The following PCCA variants were observed in gnomAD, a reference collection of about 807,000 sequenced individuals.
PCCA encodes propionyl-CoA carboxylase alpha chain, mitochondrial.
In PCCA, 74 loss-of-function variants were observed where a neutral mutation model predicts 101.3. That is an observed-to-expected ratio of 0.73 (90% CI 0.61 to 0.89). PCCA has a LOEUF of 0.89. Ranked by LOEUF, PCCA falls within the 40% of genes least tolerant of loss-of-function variation. PCCA has a pLI of 0.00. For missense variants in PCCA, 891 were observed against 907.0 expected (o/e 0.98, Z 0.23); for synonymous variants, 294 against 313.6 (o/e 0.94, Z 0.66).
At chr13:100,147,220 G>A (rs980038291) in intron 4 of PCCA, among the ~76,000 whole-genome samples, 2 of 151,570 alleles carry the variant, frequency 1.3e-5, no homozygotes, top group Non-Finnish European at 2.9e-5. Flanking sequence ...CCTTTAAAAC[G>A]GGGCAGGGAA....
intron 21 of PCCA, among the ~76,000 whole-genome samples, chr13:100,459,794 T>C (rs2082048535): frequency 6.6e-6 from 1 of 152,230 alleles, no homozygotes; most frequent in South Asian, 2.1e-4. Flanking sequence ...TTTCTCACAG[T>C]TCTAGAGCCT....
chr13:100,254,353 T>G (rs2061944997), intron 8 of PCCA, among the ~76,000 whole-genome samples: 1 of 152,164 alleles, frequency 6.6e-6, no homozygotes, highest in Admixed American at 6.6e-5. Flanking sequence ...AATACAAAAT[T>G]AAACAAATAC....
chr13:100,321,876 T>A (rs773248239), intron 16 of PCCA, among the ~76,000 whole-genome samples: 16 of 151,928 alleles, frequency 1.1e-4, no homozygotes, highest in Non-Finnish European at 2.4e-4. Context: ...TTCCATATGG[T>A]TGTGGATATG....
At chr13:100,288,145 G>A (rs1181011599) in intron 12 of PCCA, among the ~76,000 whole-genome samples, 37 of 152,148 alleles carry the variant, frequency 2.4e-4, no homozygotes, top group Middle Eastern at 3.2e-3. Flanking sequence ...TTATTTGTTA[G>A]AGCAGTTTTG....
chr13:100,382,458 G>A (rs1399725403), intron 19 of PCCA, among the ~76,000 whole-genome samples: 1 of 152,134 alleles, frequency 6.6e-6, no homozygotes, highest in Non-Finnish European at 1.5e-5. Context: ...GGAAAACAGG[G>A]AGAGAAGTTC....
chr13:100,345,579 G>T (rs1015398597), intron 18 of PCCA, among the ~76,000 whole-genome samples: 1 of 152,228 alleles, frequency 6.6e-6, no homozygotes, highest in African/African-American at 2.4e-5. Context: ...GAAGCTGCAA[G>T]TGCTGATGTA....
intron 6 of PCCA, among the ~76,000 whole-genome samples, chr13:100,170,913 G>C (rs1013314319): frequency 6.6e-6 from 1 of 152,170 alleles, no homozygotes; most frequent in African/African-American, 2.4e-5. Flanking sequence ...TGATACAATA[G>C]AGCATTGGTT....
intron 10 of PCCA, among the ~76,000 whole-genome samples, chr13:100,264,300 T>C (rs1299417845): frequency 6.6e-6 from 1 of 151,874 alleles, no homozygotes; most frequent in Non-Finnish European, 1.5e-5. Context: ...GTGAAATCCA[T>C]AAATCTTAAG....
intron 21 of PCCA, among the ~76,000 whole-genome samples, chr13:100,475,825 T>C (rs900882792): frequency 6.6e-6 from 1 of 152,230 alleles, no homozygotes; most frequent in African/African-American, 2.4e-5. Flanking sequence ...TTTTTTATTA[T>C]GGTCATCATA....
Position 100,515,583 on chromosome 13 carries a change from GTC to G in PCCA, c.2040+22_2040+23del, listed in dbSNP as rs1312258807. 2 of 1,612,478 alleles carry G rather than the reference GTC, an allele frequency of 1.2e-6. No individual in the cohort carries two copies. The highest frequency in any genetic ancestry group is 1.7e-6 in the Non-Finnish European group (2 of 1,179,888). ...TGGAGACGCGGTAAGGGCTGTGTGT[GTC>G]TCTCTGCAGGACATGCTGGTCTCCA... is the stretch of plus-strand genomic sequence containing the variant. On this transcript the variant is annotated intron_variant, in intron 22 of 23. Coordinates refer to ENST00000376285, the MANE Select transcript of PCCA (RefSeq NM_000282.4).
At chr13:100,502,737 A>G (rs2085772121) in intron 21 of PCCA, among the ~76,000 whole-genome samples, 1 of 152,248 alleles carries the variant, frequency 6.6e-6, no homozygotes, top group Non-Finnish European at 1.5e-5. Flanking sequence ...GATATGAGAC[A>G]GACTCTTAGG....
At chr13:100,415,374 C>A (rs1219374648) in intron 19 of PCCA, among the ~76,000 whole-genome samples, 1 of 152,162 alleles carries the variant, frequency 6.6e-6, no homozygotes, top group East Asian at 1.9e-4. Context: ...CCACTGCTTT[C>A]CAGCCTGGGT....
intron 20 of PCCA, among the ~76,000 whole-genome samples, chr13:100,428,424 A>G (rs2079322391): frequency 6.8e-6 from 1 of 148,148 alleles, no homozygotes; most frequent in Non-Finnish European, 1.5e-5. Context: ...GATCCTTGCC[A>G]TCAAGCATTG....
At chr13:100,122,376 T>A (rs900936485) in intron 4 of PCCA, among the ~76,000 whole-genome samples, 2 of 152,202 alleles carry the variant, frequency 1.3e-5, no homozygotes, top group Non-Finnish European at 2.9e-5. Flanking sequence ...AACCTTTCTC[T>A]CATCTTCTAG....
chr13:100,286,147 C>T (rs2064625252), intron 12 of PCCA, among the ~76,000 whole-genome samples: 1 of 152,156 alleles, frequency 6.6e-6, no homozygotes, highest in Admixed American at 6.5e-5. Context: ...AGGAACGGGA[C>T]TAAGATGTTC....
intron 12 of PCCA, among the ~76,000 whole-genome samples, chr13:100,274,275 G>A (rs781315722): frequency 6.6e-6 from 1 of 151,990 alleles, no homozygotes; most frequent in African/African-American, 2.4e-5. Context: ...TCGTTCTTTT[G>A]TGCCTGGCTT....
intron 4 of PCCA, among the ~76,000 whole-genome samples, chr13:100,115,105 T>A (rs1177591732): frequency 1.3e-5 from 2 of 152,154 alleles, no homozygotes; most frequent in African/African-American, 4.8e-5. Flanking sequence ...AAGAATGAGA[T>A]CTTGTCATTT....
intron 7 of PCCA, 145 bp from the exon 8 acceptor site, chr13:100,235,696 AT>A: frequency 1.7e-6 from 1 of 601,810 alleles, no homozygotes; most frequent in Non-Finnish European, 3.1e-6. Flanking sequence ...TTAATTTTAC[AT>A]TTCTCTGAAT....
chr13:100,486,389 C>T (rs941182524), intron 21 of PCCA, among the ~76,000 whole-genome samples: 1 of 152,242 alleles, frequency 6.6e-6, no homozygotes, highest in Non-Finnish European at 1.5e-5. Context: ...GTAACATTCA[C>T]CACCGTGTCC....
Sources: allele counts gnomAD v4.1 joint callset (sites outside exome capture counted in the v4.1 genomes callset), GRCh38; gene constraint gnomAD v4.1.1; transcripts MANE v1.5; gene names NCBI Gene and HGNC (gene_info 2026-07-23, HGNC 2026-07-21).